MBOAT2: variants seen among roughly 807,000 people sequenced by gnomAD.
The protein encoded by MBOAT2 is membrane bound glycerophospholipid O-acyltransferase 2, also known as membrane-bound glycerophospholipid O-acyltransferase 2.
A neutral mutation model predicts 63.4 loss-of-function variants in MBOAT2; 28 were observed. The observed-to-expected ratio is 0.44, with a 90% CI of 0.33 to 0.61. MBOAT2 has a LOEUF of 0.61. Among genes scored for constraint, MBOAT2 ranks in the 20% least tolerant of loss-of-function variants. The pLI, the probability that MBOAT2 is intolerant of heterozygous loss-of-function variation, is 0.03. For missense variants in MBOAT2, 470 were observed against 605.8 expected (o/e 0.78, Z 2.35); for synonymous variants, 211 against 215.6 (o/e 0.98, Z 0.19).
chr2:8,964,863 T>C (rs1209918203), intron 1 of MBOAT2, among the ~76,000 whole-genome samples: 7 of 152,246 alleles, frequency 4.6e-5, no homozygotes, highest in African/African-American at 1.7e-4. Flanking sequence ...TTTTCTTATG[T>C]CTATTGGACA....
rs1425405851 is a variant in MBOAT2 at position 8,969,330 on chromosome 2, T to C, written c.76-10688A>G. 1.1e-4 allele frequency among the ~76,000 whole-genome samples: 16 copies of C among 152,146 alleles called. 1 individual carries two copies. The highest frequency in any genetic ancestry group is 8.3e-4 in the South Asian group (4 of 4,822). On this transcript the variant is annotated intron_variant, in intron 1 of 12. Coordinates refer to ENST00000305997, the MANE Select transcript of MBOAT2 (RefSeq NM_138799.4). ...ACAGACAAGCAAATGCTGAGAGATT[T>C]TGTCACTACCAGGCCTGCCCTAAAA...
In MBOAT2 at chr2:8,855,279, G is replaced by A. The variant is rs978697886; in HGVS notation, c.*3400C>T. On this transcript the variant is annotated 3_prime_UTR_variant, in exon 13 of 13. Transcript: ENST00000305997. ...CACCCAACTGGTCCTGAACTCTTAGGATTAACCCGTTTGCTTATGGCTGAG... is the reference window on the plus strand; with the variant it reads ...CACCCAACTGGTCCTGAACTCTTAGAATTAACCCGTTTGCTTATGGCTGAG... The A allele has an allele frequency of 8.5e-5, 13 of 152,190 alleles. No homozygotes were observed. Among genetic ancestry groups the A allele is most frequent in the African/African-American group, 3.1e-4 (13 of 41,438 alleles). The allele number at this position is 152,190 out of a possible 1,614,324, so 9.4% of individuals were successfully genotyped here.
chr2:8,867,297 G>A (rs1661970282), intron 9 of MBOAT2, among the ~76,000 whole-genome samples: 1 of 152,132 alleles, frequency 6.6e-6, no homozygotes. Flanking sequence ...GATTACAGGT[G>A]TGAGCCACAG....
intron 3 of MBOAT2, among the ~76,000 whole-genome samples, chr2:8,927,265 T>TTA (rs1666995351): frequency 6.6e-6 from 1 of 152,150 alleles, no homozygotes; most frequent in Admixed American, 6.5e-5. Context: ...TTCTGTTACT[T>TTA]CTTAAACACT....
rs1310978564 is a variant in MBOAT2, at chr2:8,938,832, G to A, written c.299+4355C>T. 2.6e-5 allele frequency among the ~76,000 whole-genome samples: 4 copies of A among 152,276 alleles called. No individual in the cohort carries two copies. In the East Asian group the frequency reaches 7.7e-4, roughly 29 times the overall value. On this transcript the variant is annotated intron_variant, in intron 3 of 12. Coordinates refer to ENST00000305997, the MANE Select transcript of MBOAT2 (RefSeq NM_138799.4). ...CGCCTCTGCCTGTGCTGTCCACCCTGCAGTAAAGTCTGCCCTTGCTACCTC... is the reference window on the plus strand; with the variant it reads ...CGCCTCTGCCTGTGCTGTCCACCCTACAGTAAAGTCTGCCCTTGCTACCTC...
Position 8,880,874 on chromosome 2 carries a change from C to G in MBOAT2, c.506+1637G>C, listed in dbSNP as rs140966277. Among the ~76,000 whole-genome samples, 4 of 152,276 alleles carry G rather than the reference C, an allele frequency of 2.6e-5. No individual in the cohort carries two copies. In the East Asian group the frequency reaches 7.7e-4, roughly 29 times the overall value. Reference sequence around the variant, plus strand: ...AAGGGCAATCTTGAAAGAATGAGTTCAGACCAAGAGTGGGCACAAAAACCT... The same window carrying G: ...AAGGGCAATCTTGAAAGAATGAGTTGAGACCAAGAGTGGGCACAAAAACCT... On this transcript the variant is annotated intron_variant, in intron 6 of 12. Transcript: ENST00000305997.
intron 8 of MBOAT2, among the ~76,000 whole-genome samples, chr2:8,868,993 T>C (rs936973716): frequency 1.6e-4 from 25 of 152,180 alleles, no homozygotes; most frequent in African/African-American, 5.6e-4. Flanking sequence ...CATAATATTT[T>C]CCTTCCATTT....
At chr2:8,998,899 G>A (rs991771249) in intron 1 of MBOAT2, among the ~76,000 whole-genome samples, 7 of 151,984 alleles carry the variant, frequency 4.6e-5, no homozygotes, top group Admixed American at 2.0e-4. Context: ...AAATACATAC[G>A]TGCACGCACA....
At chr2:8,914,939 T>C (rs1294342957) in intron 3 of MBOAT2, among the ~76,000 whole-genome samples, 178 of 134,130 alleles carry the variant, frequency 1.3e-3, no homozygotes, top group African/African-American at 4.8e-3. Flanking sequence ...AATTTCTTTT[T>C]TTTTTTTTTT....
chr2:8,959,368 C>T (rs539164212), intron 1 of MBOAT2, among the ~76,000 whole-genome samples: 1 of 152,280 alleles, frequency 6.6e-6, no homozygotes, highest in East Asian at 1.9e-4. Context: ...GGTAAGACTG[C>T]TGCTGCTCTT....
At chr2:9,002,107 A>C (rs1672732402) in intron 1 of MBOAT2, among the ~76,000 whole-genome samples, 1 of 152,212 alleles carries the variant, frequency 6.6e-6, no homozygotes, top group African/African-American at 2.4e-5. Flanking sequence ...GGAGGATGAA[A>C]AACCCTAAAT....
At chr2:8,910,649 AG>A (rs1452455810) in intron 3 of MBOAT2, among the ~76,000 whole-genome samples, 3 of 152,204 alleles carry the variant, frequency 2.0e-5, no homozygotes, top group Non-Finnish European at 2.9e-5. Flanking sequence ...AAAGTTTTTA[AG>A]AACCCCAAGG....
At chr2:8,984,927 G>T (rs944186266) in intron 1 of MBOAT2, among the ~76,000 whole-genome samples, 1 of 152,142 alleles carries the variant, frequency 6.6e-6, no homozygotes, top group African/African-American at 2.4e-5. Flanking sequence ...AGGGGAAGCA[G>T]AAAGAGGGGC....
chr2:8,925,843 T>C (rs980678010), intron 3 of MBOAT2, among the ~76,000 whole-genome samples: 4 of 152,240 alleles, frequency 2.6e-5, no homozygotes, highest in Admixed American at 2.6e-4. Context: ...TCTTCATAAC[T>C]GATGGCATGT....
At chr2:8,960,721 T>C (rs572482906) in intron 1 of MBOAT2, among the ~76,000 whole-genome samples, 9 of 152,216 alleles carry the variant, frequency 5.9e-5, no homozygotes, top group South Asian at 2.1e-4. Context: ...CTTTTCAACA[T>C]TGTCATCGTT....
At chr2:9,000,913 T>C (rs1457692626) in intron 1 of MBOAT2, among the ~76,000 whole-genome samples, 1 of 152,256 alleles carries the variant, frequency 6.6e-6, no homozygotes, top group African/African-American at 2.4e-5. Flanking sequence ...TACTGTACAG[T>C]TGTATAAAAA....
chr2:8,938,850 G>A (rs746215738), intron 3 of MBOAT2, among the ~76,000 whole-genome samples: 1 of 152,172 alleles, frequency 6.6e-6, no homozygotes, highest in African/African-American at 2.4e-5. Context: ...GTCTGCCCTT[G>A]CTACCTCTTC....
chr2:8,898,110 C>T (rs147007360), intron 4 of MBOAT2, among the ~76,000 whole-genome samples: 7 of 152,302 alleles, frequency 4.6e-5, no homozygotes, highest in Middle Eastern at 3.4e-3. Context: ...GGTTGTCCCA[C>T]GAGTCTGAGT....
At chr2:8,912,351 G>GAAAAAGAAAGAA (rs1553362293) in intron 3 of MBOAT2, among the ~76,000 whole-genome samples, 1 of 69,942 alleles carries the variant, frequency 1.4e-5, no homozygotes, top group African/African-American at 6.0e-5. Flanking sequence ...AAGAAAGAAA[G>GAAAAAGAAAGAA]AGAAAGAAAG....
Sources: gnomAD v4.1 joint callset for allele counts (sites outside exome capture counted in the v4.1 genomes callset) on GRCh38, gnomAD v4.1.1 for gene constraint, MANE v1.5 for transcripts, NCBI Gene and HGNC (gene_info 2026-07-23, HGNC 2026-07-21) for gene names.